Variants in PRKAG2 observed in about 807,000 individuals in gnomAD.
PRKAG2 encodes protein kinase AMP-activated non-catalytic subunit gamma 2.
A neutral mutation model predicts 69.6 loss-of-function variants in PRKAG2; 26 were observed. The observed-to-expected ratio is 0.37, with a 90% CI of 0.27 to 0.52. PRKAG2 has a LOEUF of 0.52. PRKAG2 is among the 20% of genes least tolerant of loss of function. The probability of loss-of-function intolerance (pLI) is 0.90; values close to 1 mark genes in which losing one functional copy is unlikely to be tolerated. For missense variants in PRKAG2, 557 were observed against 740.0 expected (o/e 0.75, Z 2.87); for synonymous variants, 293 against 285.0 (o/e 1.03, Z -0.28).
At chr7:151,710,947 TA>T (rs1425429892) in intron 3 of PRKAG2, among the ~76,000 whole-genome samples, 2 of 152,084 alleles carry the variant, frequency 1.3e-5, no homozygotes, top group African/African-American at 4.8e-5. Context: ...CTAACAGTGC[TA>T]GGCATATGGT....
intron 3 of PRKAG2, among the ~76,000 whole-genome samples, chr7:151,731,505 T>C (rs1424953554): frequency 1.3e-5 from 2 of 148,374 alleles, no homozygotes; most frequent in African/African-American, 2.5e-5. Context: ...CTTGATTTGA[T>C]GGCTGTGGGG....
At chr7:151,773,027 G>A (rs6956650) in intron 3 of PRKAG2, among the ~76,000 whole-genome samples, 11,525 of 28,164 alleles carry the variant, frequency 0.41, 2,360 homozygotes, top group East Asian at 0.81. Flanking sequence ...GAAAGAAAGA[G>A]AGAGAGAGAG....
chr7:151,612,040 GTCAGCACCAATGTGTTACTCCCT>G (rs1435024609), intron 5 of PRKAG2, among the ~76,000 whole-genome samples: 1 of 152,168 alleles, frequency 6.6e-6, no homozygotes, highest in African/African-American at 2.4e-5. Flanking sequence ...GTGAGACTCC[GTCAGCACCAATGTGTTACTCCCT>G]TCAGCACTTT....
chr7:151,833,817 C>T (rs1435357653), intron 1 of PRKAG2, among the ~76,000 whole-genome samples: 1 of 152,238 alleles, frequency 6.6e-6, no homozygotes, highest in East Asian at 1.9e-4. Context: ...ACAGCCTCCC[C>T]GCTGTGCCTC....
intron 3 of PRKAG2, among the ~76,000 whole-genome samples, chr7:151,729,472 A>G (rs1174575858): frequency 6.6e-6 from 1 of 152,076 alleles, no homozygotes; most frequent in Non-Finnish European, 1.5e-5. Flanking sequence ...CCTCAGCCCC[A>G]GCTGTCTGGC....
chr7:151,867,788 T>C (rs967216533), intron 1 of PRKAG2, among the ~76,000 whole-genome samples: 9 of 152,098 alleles, frequency 5.9e-5, no homozygotes, highest in African/African-American at 1.7e-4. Flanking sequence ...TGCGTAAACA[T>C]AGTTCTTAGC....
intron 6 of PRKAG2, among the ~76,000 whole-genome samples, chr7:151,586,941 A>G (rs574639312): frequency 1.9e-4 from 29 of 152,278 alleles, no homozygotes; most frequent in African/African-American, 5.5e-4. Flanking sequence ...TGGGTGGATC[A>G]CTTGAGGTCA....
rs61625212 is a variant in PRKAG2 at position 151,762,271 on chromosome 7, A to G, written c.466+18881T>C. Reference sequence around the variant, plus strand: ...CCCCTACACGCATCTCCAGGGTGGGAAATGACTTTCCGCAGTAGGCAGGCA... The same window carrying G: ...CCCCTACACGCATCTCCAGGGTGGGGAATGACTTTCCGCAGTAGGCAGGCA... On this transcript the variant is annotated intron_variant, in intron 3 of 15. Coordinates refer to ENST00000287878, the MANE Select transcript of PRKAG2 (RefSeq NM_016203.4). Among the ~76,000 whole-genome samples the G allele has an allele frequency of 9.6e-3, 1,458 of 152,330 alleles. 18 individuals carry two copies. Among genetic ancestry groups the G allele is most frequent in the East Asian group, 0.051 (264 of 5,192 alleles).
At chr7:151,581,596 C>T (rs1436085986) in intron 6 of PRKAG2, among the ~76,000 whole-genome samples, 1 of 152,128 alleles carries the variant, frequency 6.6e-6, no homozygotes, top group Admixed American at 6.6e-5. Flanking sequence ...TTTAAAAAAA[C>T]CCAAGAATAA....
At chr7:151,758,443 C>T (rs1260813944) in intron 3 of PRKAG2, among the ~76,000 whole-genome samples, 1 of 152,224 alleles carries the variant, frequency 6.6e-6, no homozygotes, top group Non-Finnish European at 1.5e-5. Context: ...ACTATGTCAC[C>T]TTTAAGTTCT....
intron 5 of PRKAG2, among the ~76,000 whole-genome samples, chr7:151,619,207 A>G (rs1585267679): frequency 6.6e-6 from 1 of 152,312 alleles, no homozygotes; most frequent in Middle Eastern, 3.4e-3. Context: ...AGCATCTACC[A>G]CAGCCAATGA....
At chr7:151,869,961 G>A (rs970137055) in intron 1 of PRKAG2, among the ~76,000 whole-genome samples, 11 of 152,200 alleles carry the variant, frequency 7.2e-5, no homozygotes, top group African/African-American at 1.2e-4. Flanking sequence ...AGCTTGCAGC[G>A]TGGCCTAACG....
intron 3 of PRKAG2, among the ~76,000 whole-genome samples, chr7:151,768,505 G>T (rs1478637652): frequency 1.3e-5 from 2 of 151,578 alleles, no homozygotes; most frequent in Non-Finnish European, 2.9e-5. Flanking sequence ...TCACTCTATT[G>T]CCCAGGCTGG....
chr7:151,671,040 G>C (rs1056581221), intron 4 of PRKAG2, among the ~76,000 whole-genome samples: 1 of 151,986 alleles, frequency 6.6e-6, no homozygotes, highest in Non-Finnish European at 1.5e-5. Flanking sequence ...TGGGTGTGGT[G>C]GTGCATGCCT....
At chr7:151,601,486 C>G (rs1026666545) in intron 5 of PRKAG2, among the ~76,000 whole-genome samples, 14 of 152,004 alleles carry the variant, frequency 9.2e-5, no homozygotes, top group Admixed American at 7.2e-4. Context: ...ATCCTGAGAC[C>G]ATGGAAAGTT....
At chr7:151,812,493 A>G (rs923327158) in intron 1 of PRKAG2, among the ~76,000 whole-genome samples, 3 of 152,250 alleles carry the variant, frequency 2.0e-5, no homozygotes, top group Non-Finnish European at 4.4e-5. Context: ...CCGCAGTTCC[A>G]GGGACCCCTG....
chr7:151,625,078 T>C (rs1351748652), intron 5 of PRKAG2, among the ~76,000 whole-genome samples: 1 of 152,178 alleles, frequency 6.6e-6, no homozygotes, highest in African/African-American at 2.4e-5. Flanking sequence ...GCTTACAATG[T>C]AATGGCAAAT....
rs894351822 is a variant in PRKAG2, at chr7:151,614,073, C to CTCCAG, written c.754+17991_754+17995dup. ...CTTACCTCCAACTCAGACACCCCCGCTCCAGTGACCAACTCTCTGGTCTCA... is the reference window on the plus strand; with the variant it reads ...CTTACCTCCAACTCAGACACCCCCGCTCCAGTCCAGTGACCAACTCTCTGGTCTCA... On this transcript the variant is annotated intron_variant, in intron 5 of 15. Coordinates refer to ENST00000287878, the MANE Select transcript of PRKAG2 (RefSeq NM_016203.4). This position sits in a 1 kb window ranked among gnomAD's most constrained non-coding sequence, Gnocchi z 4.4. Among the ~76,000 whole-genome samples the CTCCAG allele has an allele frequency of 6.6e-6, 1 of 152,150 alleles. No homozygotes were observed. The highest frequency in any genetic ancestry group is 1.5e-5 in the Non-Finnish European group (1 of 68,010).
Position 151,632,470 on chromosome 7 carries a change from C to A in PRKAG2, c.685-332G>T, listed in dbSNP as rs904254605. 2.7e-6 allele frequency: 2 copies of A among 748,750 alleles called. No individual in the cohort carries two copies. Among genetic ancestry groups the A allele is most frequent in the African/African-American group, 3.8e-5 (2 of 52,532 alleles). The allele number at this position is 748,750 out of a possible 1,614,324, so 46.4% of individuals were successfully genotyped here. ...AGCTCGAGGGCGGCAGCGCCTGGGC[C>A]CGGGGCGCCCCCCTCCGGCCGTGGC... On this transcript the variant is annotated intron_variant, in intron 4 of 15. Coordinates refer to ENST00000287878, the MANE Select transcript of PRKAG2 (RefSeq NM_016203.4). The surrounding 1 kb of genome is among the most constrained non-coding windows in gnomAD (Gnocchi z 4.2).
Sources: gnomAD v4.1 joint callset for allele counts (sites outside exome capture counted in the v4.1 genomes callset) on GRCh38, gnomAD v4.1.1 for gene constraint, Gnocchi (gnomAD v3.1) non-coding constraint, MANE v1.5 for transcripts, NCBI Gene and HGNC (gene_info 2026-07-23, HGNC 2026-07-21) for gene names.